The following MAVS variants were observed in gnomAD, a reference collection of about 807,000 sequenced individuals.
The protein encoded by MAVS is mitochondrial antiviral signaling protein.
A neutral mutation model predicts 30.2 loss-of-function variants in MAVS; 20 were observed. The observed-to-expected ratio is 0.66, with a 90% confidence interval of 0.47 to 0.96. MAVS has a LOEUF of 0.96. Among genes scored for constraint, MAVS ranks in the 40% least tolerant of loss-of-function variants. MAVS has a pLI of 0.00. For missense variants in MAVS, 624 were observed against 701.1 expected (o/e 0.89, Z 1.24); for synonymous variants, 278 against 293.9 (o/e 0.95, Z 0.55).
rs915128122 is a variant in MAVS, at chr20:3,866,193, G to C, written c.*46G>C. ...ACCACCCATCTGTTCCGTTCCTGCA[G>C]TACACCTGGCCCCTCTCCGAAGCCC... is the stretch of plus-strand genomic sequence containing the variant. On this transcript the variant is annotated 3_prime_UTR_variant, in exon 7 of 7. Transcript: ENST00000428216. 4.0e-6 allele frequency: 6 copies of C among 1,501,398 alleles called. No individual in the cohort carries two copies. In the African/African-American group the frequency reaches 8.3e-5, roughly 21 times the overall value. 93.0% of individuals were successfully genotyped at this position (1,501,398 alleles called of 1,614,324 possible).
rs1462849447 is a variant in MAVS at position 3,876,086 on chromosome 20, T to C, written c.*9939T>C. 6.6e-6 allele frequency: 1 copy of C among 152,336 alleles called. No individual in the cohort carries two copies. The highest frequency in any genetic ancestry group is 1.9e-4 in the East Asian group (1 of 5,334). The allele number at this position is 152,336 out of a possible 1,614,324, so 9.4% of individuals were successfully genotyped here. The stretch of plus-strand genomic sequence containing the variant: ...AGAATTGTGAGCCCGTGGACACTTC[T>C]GTACAATAAATCTGCTATTATTACT... On this transcript the variant is annotated 3_prime_UTR_variant, in exon 7 of 7. Coordinates refer to ENST00000428216, the MANE Select transcript of MAVS (RefSeq NM_020746.5).
intron 1 of MAVS, among the ~76,000 whole-genome samples, chr20:3,848,171 C>T (rs2089724536): frequency 6.6e-6 from 1 of 152,022 alleles, no homozygotes; most frequent in African/African-American, 2.4e-5. Context: ...CCAATCTTGG[C>T]TCACTGCAAC....
At chr20:3,848,338 A>G (rs553568273) in intron 1 of MAVS, among the ~76,000 whole-genome samples, 80 of 152,236 alleles carry the variant, frequency 5.3e-4, no homozygotes, top group South Asian at 1.0e-3. Context: ...ACCTCAAGTG[A>G]TCTGCCTGCC....
rs931193223 is a variant in MAVS at position 3,868,061 on chromosome 20, T to A, written c.*1914T>A. 3.9e-5 allele frequency: 6 copies of A among 152,320 alleles called. No homozygotes were observed. The highest frequency in any genetic ancestry group is 1.4e-4 in the African/African-American group (6 of 41,422). The allele number at this position is 152,320 out of a possible 1,614,324, so 9.4% of individuals were successfully genotyped here. A position where few individuals can be genotyped will look rare whatever the true frequency, so the allele number is the denominator to read the frequency against. ...GGCTGCTACAGCTTTTTCACTCCAC[T>A]GCCCTAGGGGAGTTCAGCAACCTAA... On this transcript the variant is annotated 3_prime_UTR_variant, in exon 7 of 7. Coordinates refer to ENST00000428216, the MANE Select transcript of MAVS (RefSeq NM_020746.5).
intron 3 of MAVS, among the ~76,000 whole-genome samples, chr20:3,860,991 T>C (rs1043378541): frequency 1.4e-5 from 2 of 146,694 alleles, no homozygotes; most frequent in Admixed American, 6.8e-5. Context: ...TCCTTCTTTT[T>C]TTTTCTTTCT....
In MAVS at chr20:3,867,551, GT is replaced by G; in HGVS notation, c.*1405del. 6.3e-6 allele frequency: 1 copy of G among 158,156 alleles called. No homozygotes were observed. The highest frequency in any genetic ancestry group is 6.0e-5 in the Admixed American group (1 of 16,588). The allele number at this position is 158,156 out of a possible 1,614,324, so 9.8% of individuals were successfully genotyped here. A position where few individuals can be genotyped will look rare whatever the true frequency, so the allele number is the denominator to read the frequency against. On this transcript the variant is annotated 3_prime_UTR_variant, in exon 7 of 7. Coordinates refer to ENST00000428216, the MANE Select transcript of MAVS (RefSeq NM_020746.5). The stretch of plus-strand genomic sequence containing the variant: ...CTTGAAGCTGCAGTGAGCTAGGATC[GT>G]GCCACTGCACTCCAACCTGGGTGAG...
At chr20:3,863,269 C>T (rs576391055) in intron 5 of MAVS, among the ~76,000 whole-genome samples, 2 of 152,290 alleles carry the variant, frequency 1.3e-5, no homozygotes, top group South Asian at 4.1e-4. Context: ...ATATAGTTGT[C>T]CATCTGGACC....
rs748145107 is a variant in MAVS, at chr20:3,864,424, G to A, written c.794G>A (p.Gly265Glu). 3 of 1,613,818 alleles carry A rather than the reference G, an allele frequency of 1.9e-6. No homozygotes were observed. In the South Asian group the frequency reaches 3.3e-5, roughly 18 times the overall value. Residue 265 changes from glycine to glutamate, a missense_variant, in exon 6 of 7, where the codon GGG (glycine) becomes GAG (glutamate). Transcript: ENST00000428216. ...TCATCCCCTGGCTTGGCCTCTGCAG[G>A]GGCTGCAGAGGGTAAACAGGGTGCA... ...SSSSPGLASA[G>E]AAEGKQGAES...
chr20:3,848,799 C>T (rs964393246), intron 1 of MAVS, among the ~76,000 whole-genome samples: 2 of 152,196 alleles, frequency 1.3e-5, no homozygotes, highest in South Asian at 2.1e-4. Context: ...AGCCACTGCT[C>T]CTCCCCTGGC....
intron 1 of MAVS, among the ~76,000 whole-genome samples, chr20:3,852,462 A>C (rs1366584044): frequency 1.3e-5 from 2 of 151,992 alleles, no homozygotes; most frequent in African/African-American, 4.8e-5. Context: ...TTATTTTTTC[A>C]GTGTGTCCCA....
intron 2 of MAVS, among the ~76,000 whole-genome samples, chr20:3,856,988 A>AT (rs1025497627): frequency 1.3e-5 from 2 of 150,744 alleles, no homozygotes; most frequent in Non-Finnish European, 3.0e-5. Flanking sequence ...GTAAGCTGAT[A>AT]TCACGGCACT....
At chr20:3,847,188 G>T (rs569834246) in intron 1 of MAVS, among the ~76,000 whole-genome samples, 1 of 152,310 alleles carries the variant, frequency 6.6e-6, no homozygotes, top group Admixed American at 6.5e-5. Flanking sequence ...GGCCAGAAGG[G>T]GACGGGCAGC....
chr20:3,860,368 CTTCT>C (rs1402741338), intron 3 of MAVS, among the ~76,000 whole-genome samples: 1 of 142,014 alleles, frequency 7.0e-6, no homozygotes, highest in Non-Finnish European at 1.5e-5. Flanking sequence ...TCCCTGATTC[CTTCT>C]ATTTTTTTTT....
In MAVS at chr20:3,869,561, G is replaced by A. The variant is rs1336756288; in HGVS notation, c.*3414G>A. 1 of 152,028 alleles carries A rather than the reference G, an allele frequency of 6.6e-6. No individual in the cohort carries two copies. The highest frequency in any genetic ancestry group is 2.4e-5 in the African/African-American group (1 of 41,408). 9.4% of individuals were successfully genotyped at this position (152,028 alleles called of 1,614,324 possible). ...CTTGCCTTAGCCTCCCAAAGTGCTG[G>A]GATTACAGATGTGAGACACTGCACC... is the stretch of plus-strand genomic sequence containing the variant. On this transcript the variant is annotated 3_prime_UTR_variant, in exon 7 of 7. Coordinates refer to ENST00000428216, the MANE Select transcript of MAVS (RefSeq NM_020746.5).
At chr20:3,847,674 T>C (rs935457137) in intron 1 of MAVS, among the ~76,000 whole-genome samples, 3 of 152,204 alleles carry the variant, frequency 2.0e-5, no homozygotes, top group Admixed American at 6.6e-5. Context: ...CTGGACTAAA[T>C]GTTGCTTCCA....
chr20:3,865,923 G>A lies in MAVS; in HGVS notation c.1399G>A (p.Gly467Arg). The A allele has an allele frequency of 6.2e-7, 1 of 1,613,890 alleles. No homozygotes were observed. Among genetic ancestry groups the A allele is most frequent in the Non-Finnish European group, 8.5e-7 (1 of 1,179,914 alleles). Reference protein sequence around the residue: ...ENEYKSEGTFGIHVAENPSIQ... With the variant: ...ENEYKSEGTFRIHVAENPSIQ... ...TGAGTATAAGTCCGAGGGCACCTTTGGGATCCACGTGGCTGAGAACCCCAG... is the reference window on the plus strand; with the variant it reads ...TGAGTATAAGTCCGAGGGCACCTTTAGGATCCACGTGGCTGAGAACCCCAG... The change falls in exon 7 of 7, where the codon GGG becomes AGG. Residue 467 changes from glycine to arginine, a missense_variant. Physicochemically the swap from Gly to Arg is moderately radical, Grantham distance 125. Transcript: ENST00000428216. The surrounding 1 kb of genome is among the most constrained non-coding windows in gnomAD (Gnocchi z 4.7).
In MAVS at chr20:3,875,205, G is replaced by C. The variant is rs1364677618; in HGVS notation, c.*9058G>C. 6.6e-6 allele frequency: 1 copy of C among 152,220 alleles called. No individual in the cohort carries two copies. Among genetic ancestry groups the C allele is most frequent in the Non-Finnish European group, 1.5e-5 (1 of 68,062 alleles). 9.4% of individuals were successfully genotyped at this position (152,220 alleles called of 1,614,324 possible). A position where few individuals can be genotyped will look rare whatever the true frequency, so the allele number is the denominator to read the frequency against. On this transcript the variant is annotated 3_prime_UTR_variant, in exon 7 of 7. Coordinates refer to ENST00000428216, the MANE Select transcript of MAVS (RefSeq NM_020746.5). ...GAGGTGGGAGGATTGCTAGAAGCCA[G>C]GAGTTCGAGACCAGCCTGGGTAACA...
At position 3,872,054 on chromosome 20, in the gene MAVS, G is replaced by A. The variant is rs2089959584; in HGVS notation, c.*5907G>A. The stretch of plus-strand genomic sequence containing the variant: ...ATGAAGGACCCAGGGGACAATGCGA[G>A]GGAAAACTCTGACCCCGGGGCCCCA... On this transcript the variant is annotated 3_prime_UTR_variant, in exon 7 of 7. Coordinates refer to ENST00000428216, the MANE Select transcript of MAVS (RefSeq NM_020746.5). 1 of 152,360 alleles carries A rather than the reference G, an allele frequency of 6.6e-6. No individual in the cohort carries two copies. The highest frequency in any genetic ancestry group is 2.4e-5 in the African/African-American group (1 of 41,446). The allele number at this position is 152,360 out of a possible 1,614,324, so 9.4% of individuals were successfully genotyped here.
rs1220883721 is a variant in MAVS, at chr20:3,859,484, GA to G, written c.292+1676del. On this transcript the variant is annotated intron_variant, in intron 3 of 6. Coordinates refer to ENST00000428216, the MANE Select transcript of MAVS (RefSeq NM_020746.5). ...GATTGCGCCACTGCACTCCAGCCTG[GA>G]TGACAGAGTGAGACTCCGTCTCCAA... Among the ~76,000 whole-genome samples, 87 of 140,680 alleles carry G rather than the reference GA, an allele frequency of 6.2e-4. 1 individual carries two copies. Among genetic ancestry groups the G allele is most frequent in the Non-Finnish European group, 1.2e-3 (82 of 66,186 alleles). The allele number at this position is 140,680 out of a possible 152,430, so 92.3% of individuals were successfully genotyped here.
Sources: allele counts gnomAD v4.1 joint callset (sites outside exome capture counted in the v4.1 genomes callset), GRCh38; gene constraint gnomAD v4.1.1; non-coding constraint Gnocchi (gnomAD v3.1); transcripts MANE v1.5; gene names NCBI Gene and HGNC (gene_info 2026-07-23, HGNC 2026-07-21).